Variants in SAMD11 observed in about 807,000 individuals in gnomAD.
The protein encoded by SAMD11 is sterile alpha motif domain containing 11.
In SAMD11, 77 loss-of-function variants were observed where a neutral mutation model predicts 64.4. The ratio of observed to expected loss-of-function variants is 1.20; its 90% CI spans 0.99 to 1.44. SAMD11 has a LOEUF of 1.44. Ranked by LOEUF, SAMD11 falls within the 40% of genes most tolerant of loss-of-function variation. SAMD11 has a pLI of 0.00. For missense variants in SAMD11, 1,402 were observed against 943.3 expected (o/e 1.49, Z -6.37); for synonymous variants, 658 against 421.9 (o/e 1.56, Z -6.86).
chr1:940,823 G>GC (rs1345208973), intron 7 of SAMD11, among the ~76,000 whole-genome samples: 2 of 152,194 alleles, frequency 1.3e-5, no homozygotes, highest in Non-Finnish European at 2.9e-5. Context: ...CTCTCTCGCT[G>GC]CCCCGCAGGC....
At chr1:938,591 G>A (rs1468007313) in intron 5 of SAMD11, among the ~76,000 whole-genome samples, 1 of 152,214 alleles carries the variant, frequency 6.6e-6, no homozygotes, top group African/African-American at 2.4e-5. Context: ...GCAGCAAGAG[G>A]TCAGGTGTGA....
chr1:935,944 G>C, intron 5 of SAMD11, 48 bp downstream of exon 5: 1 of 1,587,326 alleles, frequency 6.3e-7, no homozygotes, highest in Non-Finnish European at 8.6e-7. Context: ...TGTGGGGCCA[G>C]AGGACGGTGG....
In SAMD11 at chr1:943,675, C is replaced by T. The variant is rs369490089; in HGVS notation, c.2179-23C>T. 2.8e-5 allele frequency: 42 copies of T among 1,526,656 alleles called. No homozygotes were observed. The Middle Eastern group carries it at 7.3e-4, about 26-fold the overall frequency. 94.6% of individuals were successfully genotyped at this position (1,526,656 alleles called of 1,614,324 possible). On this transcript the variant is annotated intron_variant, in intron 12 of 13. Transcript: ENST00000616016. ...GGATGGAGCAGCACCCGGGTCCTGA[C>T]CCTCCCTCCCTCCCCCTTCCAGGTC...
rs1641112431 is a variant in SAMD11 at position 930,326 on chromosome 1, A to G, written c.781A>G (p.Met261Val). 6.2e-7 allele frequency: 1 copy of G among 1,604,034 alleles called. No individual in the cohort carries two copies. Among genetic ancestry groups the G allele is most frequent in the Non-Finnish European group, 8.5e-7 (1 of 1,175,644 alleles). The change falls in exon 3 of 14, where the codon ATG becomes GTG. Residue 261 changes from methionine (M) to valine (V), a missense_variant. By Grantham distance (21) the Met-to-Val change is conservative. Coordinates refer to ENST00000616016, the MANE Select transcript of SAMD11 (RefSeq NM_001385641.1). ...KQEDGPHIRI[M>V]KRRVHTHWDV... ...GGAGGATGGTCCGCACATCCGTATC[A>G]TGAAGAGAAGGTACTTGGACCAGGG...
At chr1:926,292 T>A (rs1229918445) in intron 2 of SAMD11, among the ~76,000 whole-genome samples, 1 of 152,216 alleles carries the variant, frequency 6.6e-6, no homozygotes, top group African/African-American at 2.4e-5. Context: ...TTTAGCTGCT[T>A]ATCCTCGAGT....
In SAMD11 at chr1:932,611, GTGTT is replaced by G. The variant is rs1166199185; in HGVS notation, c.842+1524_842+1527del. On this transcript the variant is annotated intron_variant, in intron 4 of 13. Transcript: ENST00000616016. ...CCACACGGGCTCCCAGACCATGTCT[GTGTT>G]TCTTTCAGCCTGTCCCTGGGTCCTT... 1.1e-4 allele frequency among the ~76,000 whole-genome samples: 4 copies of G among 35,160 alleles called. No homozygotes were observed. The Admixed American group carries it at 1.5e-3, about 13-fold the overall frequency. The allele number at this position is 35,160 out of a possible 152,430, so 23.1% of individuals were successfully genotyped here.
chr1:942,876 C>T lies in SAMD11; in HGVS notation c.1871C>T (p.Ser624Leu). Residue 624 changes from serine (S) to leucine (L), a missense_variant, in exon 11 of 14, where the codon TCG (serine) becomes TTG (leucine). Transcript: ENST00000616016. ...GCTAGGCTCTGGGCACAAGATGGCT[C>T]GGAAGACGAGCCCCCCAAAGACTCG... ...TGARLWAQDG[S>L]EDEPPKDSDG... 2 of 1,554,306 alleles carry T rather than the reference C, an allele frequency of 1.3e-6. No individual in the cohort carries two copies. The highest frequency in any genetic ancestry group is 2.4e-5 in the South Asian group (2 of 84,380).
chr1:930,947 G>A (rs1051622109), intron 3 of SAMD11, 92 bp from the exon 4 acceptor site: 77 of 1,298,774 alleles, frequency 5.9e-5, no homozygotes, highest in Non-Finnish European at 7.9e-5. Flanking sequence ...GCGGGGCACT[G>A]ACCCGAGACA....
In SAMD11 at chr1:943,035, C is replaced by T. The variant is rs748435147; in HGVS notation, c.2030C>T (p.Ala677Val). 7.6e-5 allele frequency: 117 copies of T among 1,530,462 alleles called. No individual in the cohort carries two copies. Among genetic ancestry groups the T allele is most frequent in the Admixed American group, 1.0e-4 (5 of 48,364 alleles). 94.8% of individuals were successfully genotyped at this position (1,530,462 alleles called of 1,614,324 possible). A position where few individuals can be genotyped will look rare whatever the true frequency, so the allele number is the denominator to read the frequency against. Residue 677 changes from alanine to valine, a missense_variant, in exon 11 of 14, where the codon GCC becomes GTC. Ala to Val is a moderately conservative substitution (Grantham distance 64). Coordinates refer to ENST00000616016, the MANE Select transcript of SAMD11 (RefSeq NM_001385641.1). ...ACACTGCCCCTGGGCTTCCCTTATG[C>T]CGTCAGCCCCTACTTCCACACAGGT... ...GSTLPLGFPYAVSPYFHTGAV... is the reference protein window; with the variant it reads ...GSTLPLGFPYVVSPYFHTGAV...
At chr1:937,740 G>A (rs1002569634) in intron 5 of SAMD11, among the ~76,000 whole-genome samples, 1 of 152,222 alleles carries the variant, frequency 6.6e-6, no homozygotes, top group African/African-American at 2.4e-5. Context: ...CTGTCACCGA[G>A]GTGGGGACCC....
intron 4 of SAMD11, among the ~76,000 whole-genome samples, chr1:931,940 T>C (rs147799296): frequency 1.3e-5 from 2 of 152,264 alleles, no homozygotes; most frequent in Non-Finnish European, 2.9e-5. Context: ...ACCCTGTGGC[T>C]TCCAGGGCAG....
chr1:942,105 G>T, intron 8 of SAMD11, 31 bp from the exon 9 acceptor site: 3 of 659,902 alleles, frequency 4.5e-6, no homozygotes, highest in East Asian at 3.4e-5. Context: ...GGGGGCGGGG[G>T]GGACGCCGCT....
At chr1:943,853 G>A (rs771693529) in intron 13 of SAMD11, 45 bp downstream of exon 13, 2 of 1,612,988 alleles carry the variant, frequency 1.2e-6, no homozygotes, top group East Asian at 2.2e-5. Flanking sequence ...ACCACAGCTG[G>A]GCAGAAAGCT....
chr1:940,563 G>C (rs1299604790), intron 7 of SAMD11: 1 of 152,410 alleles, frequency 6.6e-6, no homozygotes, highest in Non-Finnish European at 1.5e-5. Flanking sequence ...GAGGCCGAGA[G>C]ACCTGGGACG....
intron 11 of SAMD11, 29 bp from the exon 12 acceptor site, chr1:943,224 G>C: frequency 6.2e-7 from 1 of 1,612,250 alleles, no homozygotes; most frequent in South Asian, 1.1e-5. Flanking sequence ...AAGCCAGCCA[G>C]AGCCCTAGTA....
In SAMD11 at chr1:939,317, C is replaced by A; in HGVS notation, c.1100C>A (p.Pro367Gln). ...LPRELGPSMAPEDHYRRLVSA... is the reference protein window; with the variant it reads ...LPRELGPSMAQEDHYRRLVSA... Reference sequence around the variant, plus strand: ...CGGGAGCTGGGGCCCAGCATGGCCCCGGAGGACCATTACCGCCGGCTTGTG... The same window carrying A: ...CGGGAGCTGGGGCCCAGCATGGCCCAGGAGGACCATTACCGCCGGCTTGTG... The change falls in exon 7 of 14, where the codon CCG (proline) becomes CAG (glutamine). Residue 367 changes from proline (P) to glutamine (Q), a missense_variant. By Grantham distance (76) the Pro-to-Gln change is moderately conservative (BLOSUM62 -1). Coordinates refer to ENST00000616016, the MANE Select transcript of SAMD11 (RefSeq NM_001385641.1). The A allele has an allele frequency of 6.2e-7, 1 of 1,611,308 alleles. No homozygotes were observed. The highest frequency in any genetic ancestry group is 8.5e-7 in the Non-Finnish European group (1 of 1,179,430).
intron 5 of SAMD11, 49 bp downstream of exon 5, chr1:935,945 A>G: frequency 6.3e-7 from 1 of 1,584,194 alleles, no homozygotes; most frequent in South Asian, 1.1e-5. Flanking sequence ...GTGGGGCCAG[A>G]GGACGGTGGC....
At chr1:928,439 C>T (rs1342489072) in intron 2 of SAMD11, among the ~76,000 whole-genome samples, 1 of 152,250 alleles carries the variant, frequency 6.6e-6, no homozygotes, top group African/African-American at 2.4e-5. Flanking sequence ...CTGTCAGAGC[C>T]TCTAAGCCCT....
intron 8 of SAMD11, 142 bp from the exon 9 acceptor site, chr1:941,994 G>T: frequency 2.6e-6 from 1 of 382,330 alleles, no homozygotes; most frequent in South Asian, 1.2e-4. Context: ...GGGCGGGGAT[G>T]GCGCGCGACC....
Sources: allele counts gnomAD v4.1 joint callset (sites outside exome capture counted in the v4.1 genomes callset), GRCh38; gene constraint gnomAD v4.1.1; transcripts MANE v1.5; gene names NCBI Gene and HGNC (gene_info 2026-07-23, HGNC 2026-07-21).